The following HIVEP3 variants were observed in gnomAD, a reference collection of about 807,000 sequenced individuals.
HIVEP3 encodes HIVEP zinc finger 3.
In HIVEP3, 49 loss-of-function variants were observed where a neutral mutation model predicts 152.8. The observed-to-expected ratio is 0.32, with a 90% CI of 0.26 to 0.41. The LOEUF is 0.41. HIVEP3 is among the 10% of genes least tolerant of loss of function. HIVEP3 has a pLI of 1.00. For missense variants in HIVEP3, 2,790 were observed against 3,103.3 expected (o/e 0.90, Z 2.40); for synonymous variants, 1,269 against 1,289.0 (o/e 0.98, Z 0.33).
intron 1 of HIVEP3, among the ~76,000 whole-genome samples, chr1:41,748,656 T>C (rs909803219): frequency 6.6e-6 from 1 of 152,224 alleles, no homozygotes; most frequent in South Asian, 2.1e-4. Flanking sequence ...GTTGATACTA[T>C]CACAGTCACC....
intron 3 of HIVEP3, among the ~76,000 whole-genome samples, chr1:41,608,303 G>C (rs1209276075): frequency 6.6e-6 from 1 of 152,148 alleles, no homozygotes; most frequent in Admixed American, 6.5e-5. Flanking sequence ...TTTTCTCCAT[G>C]GTGGGCATAA....
At chr1:41,603,942 T>A (rs12046768) in intron 3 of HIVEP3, among the ~76,000 whole-genome samples, 6,141 of 152,320 alleles carry the variant, frequency 0.04, 154 homozygotes, top group East Asian at 0.099. Context: ...TATAAAACAA[T>A]GCTCAATACA....
intron 2 of HIVEP3, among the ~76,000 whole-genome samples, chr1:41,646,707 C>T (rs1645465826): frequency 6.6e-6 from 1 of 152,202 alleles, no homozygotes; most frequent in African/African-American, 2.4e-5. Context: ...ACCTCTTCCC[C>T]ATCATGGCCT....
At chr1:41,740,433 G>A (rs1335759979) in intron 1 of HIVEP3, among the ~76,000 whole-genome samples, 1 of 152,222 alleles carries the variant, frequency 6.6e-6, no homozygotes, top group Non-Finnish European at 1.5e-5. Flanking sequence ...GGCGAGGAGG[G>A]AACAGACACT....
rs1384485928 is a variant in HIVEP3, at chr1:42,026,008, T to A, written n.119+9799A>T. Among the ~76,000 whole-genome samples, 6 of 151,460 alleles carry A rather than the reference T, an allele frequency of 4.0e-5. No individual in the cohort carries two copies. The East Asian group carries it at 1.2e-3, about 29-fold the overall frequency. ...TCACTTGAACCCAGGAGGTTGAAGC[T>A]GCAGTGAGCCGTGATCGTGGCATTG... On this transcript the variant is annotated intron_variant and non_coding_transcript_variant, in intron 1 of 3. Transcript: ENST00000489103.
At chr1:41,715,290 T>C (rs1158581079) in intron 1 of HIVEP3, among the ~76,000 whole-genome samples, 2 of 152,268 alleles carry the variant, frequency 1.3e-5, no homozygotes, top group East Asian at 1.9e-4. Context: ...ATCTGCAGCA[T>C]GGATGTCAGA....
At chr1:41,888,221 TTTTTG>T (rs1198468346) in intron 1 of HIVEP3, among the ~76,000 whole-genome samples, 1 of 145,428 alleles carries the variant, frequency 6.9e-6, no homozygotes, top group African/African-American at 2.5e-5. Flanking sequence ...TTTTTTTTTT[TTTTTG>T]TATTTTTAGT....
At chr1:41,964,227 T>C (rs924592515) in intron 1 of HIVEP3, among the ~76,000 whole-genome samples, 1 of 151,880 alleles carries the variant, frequency 6.6e-6, no homozygotes, top group Non-Finnish European at 1.5e-5. Flanking sequence ...TGTTCTCTCA[T>C]TGGGACTGAC....
chr1:41,933,455 C>T (rs1206094899), intron 1 of HIVEP3, among the ~76,000 whole-genome samples: 1 of 152,092 alleles, frequency 6.6e-6, no homozygotes, highest in East Asian at 1.9e-4. Flanking sequence ...TTCTAAAAGT[C>T]TCACTTGTCT....
At chr1:41,650,699 C>T (rs772558260) in intron 2 of HIVEP3, among the ~76,000 whole-genome samples, 7 of 151,938 alleles carry the variant, frequency 4.6e-5, no homozygotes, top group Admixed American at 3.3e-4. Context: ...TTTCTCTGAG[C>T]GCAGAAACAT....
At position 41,581,406 on chromosome 1, in the gene HIVEP3, G is replaced by A; in HGVS notation, c.3392C>T (p.Thr1131Ile). The A allele has an allele frequency of 6.2e-7, 1 of 1,605,444 alleles. No individual in the cohort carries two copies. The highest frequency in any genetic ancestry group is 8.5e-7 in the Non-Finnish European group (1 of 1,176,028). ...LQVFHHPVAQ[T>I]PLHEKPYLPP... ...CAGGTATGGCTTCTCATGCAGGGGT[G>A]TCTGGGCAACGGGGTGGTGGAACAC... Residue 1131 changes from threonine (T) to isoleucine (I), a missense_variant, in exon 4 of 9, where the codon ACA becomes ATA. Transcript: ENST00000372583. The surrounding 1 kb of genome is among the most constrained non-coding windows in gnomAD (Gnocchi z 4.5).
chr1:41,885,749 T>C (rs1644336276), intron 1 of HIVEP3, among the ~76,000 whole-genome samples: 2 of 135,900 alleles, frequency 1.5e-5, no homozygotes, highest in African/African-American at 2.8e-5. Context: ...CCCTTTCCCT[T>C]CCCCCTTCCC....
chr1:41,619,513 C>A (rs1288838608), intron 3 of HIVEP3, among the ~76,000 whole-genome samples: 1 of 152,152 alleles, frequency 6.6e-6, no homozygotes, highest in South Asian at 2.1e-4. Context: ...CTCCAAGAGG[C>A]AGGTGTTTTG....
chr1:41,901,885 T>C (rs369975369), intron 1 of HIVEP3, among the ~76,000 whole-genome samples: 1 of 152,224 alleles, frequency 6.6e-6, no homozygotes, highest in Admixed American at 6.5e-5. Flanking sequence ...TGAATTGCCT[T>C]CTTCCCTTAA....
intron 1 of HIVEP3, among the ~76,000 whole-genome samples, chr1:41,809,768 A>G (rs1650839303): frequency 6.6e-6 from 1 of 152,156 alleles, no homozygotes; most frequent in Non-Finnish European, 1.5e-5. Context: ...ACAAAAAGAC[A>G]CTCAGTAAAC....
chr1:41,779,360 G>A (rs1168975073), intron 1 of HIVEP3, among the ~76,000 whole-genome samples: 3 of 152,206 alleles, frequency 2.0e-5, no homozygotes, highest in Non-Finnish European at 4.4e-5. Context: ...TTTCTCAACT[G>A]GAAATGAGGA....
At chr1:41,973,759 A>C (rs1170285065) in intron 1 of HIVEP3, among the ~76,000 whole-genome samples, 1 of 152,256 alleles carries the variant, frequency 6.6e-6, no homozygotes. Flanking sequence ...GAAACAGCAT[A>C]GGAGCCAGTG....
chr1:41,755,279 C>T (rs1022511811), intron 1 of HIVEP3, among the ~76,000 whole-genome samples: 3 of 152,074 alleles, frequency 2.0e-5, no homozygotes, highest in Non-Finnish European at 4.4e-5. Context: ...CAATGCAAAC[C>T]TTCCACTTTA....
At chr1:42,034,894 A>C (rs1645632386) in intron 1 of HIVEP3, among the ~76,000 whole-genome samples, 1 of 152,182 alleles carries the variant, frequency 6.6e-6, no homozygotes, top group Non-Finnish European at 1.5e-5. Flanking sequence ...AGGCAGAGAA[A>C]GCCGTGCCAT....
Sources: gnomAD v4.1 joint callset for allele counts (sites outside exome capture counted in the v4.1 genomes callset) on GRCh38, gnomAD v4.1.1 for gene constraint, Gnocchi (gnomAD v3.1) non-coding constraint, MANE v1.5 for transcripts, NCBI Gene and HGNC (gene_info 2026-07-23, HGNC 2026-07-21) for gene names.